Variants in SIPA1L1 observed in about 807,000 individuals in gnomAD.
SIPA1L1 encodes signal-induced proliferation-associated 1-like protein 1.
In SIPA1L1, 26 loss-of-function variants were observed where a neutral mutation model predicts 162.7. That is an observed-to-expected ratio of 0.16 (90% CI 0.12 to 0.22). The LOEUF is 0.22. Ranked by LOEUF, SIPA1L1 falls within the 10% of genes least tolerant of loss-of-function variation. The pLI is 1.00. For synonymous variants in SIPA1L1, 829 were observed against 837.4 expected (o/e 0.99, Z 0.17); for missense variants, 1,874 against 2,241.0 (o/e 0.84, Z 3.31).
At chr14:71,459,778 C>T (rs1391030266) in intron 2 of SIPA1L1, among the ~76,000 whole-genome samples, 2 of 152,136 alleles carry the variant, frequency 1.3e-5, no homozygotes, top group Admixed American at 1.3e-4. Context: ...TCTTTTTTGG[C>T]AGCACCCTTA....
intron 5 of SIPA1L1, among the ~76,000 whole-genome samples, chr14:71,609,381 A>C (rs570770848): frequency 5.3e-5 from 8 of 151,710 alleles, no homozygotes; most frequent in Admixed American, 4.6e-4. Context: ...TGCTCATCAC[A>C]CCTCATCCTC....
intron 2 of SIPA1L1, among the ~76,000 whole-genome samples, chr14:71,419,067 G>A (rs1242877770): frequency 8.5e-5 from 13 of 152,132 alleles, no homozygotes; most frequent in African/African-American, 2.4e-4. Flanking sequence ...GCCTCTCAGA[G>A]CAGGGGTGTT....
chr14:71,597,240 C>T (rs2036145887), intron 5 of SIPA1L1, among the ~76,000 whole-genome samples: 1 of 152,122 alleles, frequency 6.6e-6, no homozygotes, highest in African/African-American at 2.4e-5. Flanking sequence ...CCTCAGCCTC[C>T]CAAAGAGCTG....
rs1597070576 is a variant in SIPA1L1 at position 71,699,251 on chromosome 14, A to G, written c.3521+124A>G. On this transcript the variant is annotated intron_variant, in intron 14 of 23. Coordinates refer to ENST00000381232, the MANE Select transcript of SIPA1L1 (RefSeq NM_001386936.1). ...ATCAATTTGTAGACAAACAAAAGAG[A>G]AAACGTAGTTAATAATCCAGATAGA... The G allele has an allele frequency of 8.3e-5, 78 of 936,674 alleles. 2 individuals are homozygous for G. In the South Asian group the frequency reaches 1.3e-3, roughly 15 times the overall value. 58.0% of individuals were successfully genotyped at this position (936,674 alleles called of 1,614,324 possible).
intron 6 of SIPA1L1, among the ~76,000 whole-genome samples, chr14:71,623,614 T>TC (rs1404835376): frequency 6.6e-6 from 1 of 152,198 alleles, no homozygotes; most frequent in Non-Finnish European, 1.5e-5. Flanking sequence ...TAAAACTTTA[T>TC]CTCCCCCTTT....
chr14:71,606,389 T>C (rs553471377), intron 5 of SIPA1L1, among the ~76,000 whole-genome samples: 4 of 152,180 alleles, frequency 2.6e-5, no homozygotes, highest in Non-Finnish European at 5.9e-5. Flanking sequence ...AGTGGCTGCA[T>C]ATAGGGGATG....
rs964772798 is a variant in SIPA1L1 at position 71,740,858 on chromosome 14, C to T, written c.*1697C>T. ...ATCTCTTTGTAAATGAGAAATATTG[C>T]TAACATCCAAGCATTCTGAAGTCTT... On this transcript the variant is annotated 3_prime_UTR_variant, in exon 24 of 24. Coordinates refer to ENST00000381232, the MANE Select transcript of SIPA1L1 (RefSeq NM_001386936.1). The T allele has an allele frequency of 6.6e-6, 1 of 152,178 alleles. No individual in the cohort carries two copies. Among genetic ancestry groups the T allele is most frequent in the Non-Finnish European group, 1.5e-5 (1 of 68,036 alleles). 9.4% of individuals were successfully genotyped at this position (152,178 alleles called of 1,614,324 possible). A position where few individuals can be genotyped will look rare whatever the true frequency, so the allele number is the denominator to read the frequency against.
intron 15 of SIPA1L1, among the ~76,000 whole-genome samples, chr14:71,703,311 A>G (rs890889959): frequency 6.6e-6 from 1 of 152,352 alleles, no homozygotes; most frequent in East Asian, 1.9e-4. Context: ...GCTGAAAAAG[A>G]TAATCTTATA....
intron 19 of SIPA1L1, among the ~76,000 whole-genome samples, chr14:71,726,181 T>C (rs1435345772): frequency 1.3e-5 from 2 of 152,258 alleles, no homozygotes; most frequent in African/African-American, 2.4e-5. Flanking sequence ...TTTATGTTAA[T>C]AAATCATTGT....
At chr14:71,639,589 G>A (rs2041501526) in intron 7 of SIPA1L1, among the ~76,000 whole-genome samples, 1 of 152,140 alleles carries the variant, frequency 6.6e-6, no homozygotes, top group Non-Finnish European at 1.5e-5. Context: ...AAGTTTACAT[G>A]AAAAAACAAA....
intron 13 of SIPA1L1, 32 bp downstream of exon 13, chr14:71,685,663 C>A: frequency 6.2e-7 from 1 of 1,609,438 alleles, no homozygotes; most frequent in South Asian, 1.1e-5. Context: ...TGCTCTATCT[C>A]TCTCTGCCCC....
chr14:71,700,369 TA>T (rs1296715889), intron 14 of SIPA1L1, among the ~76,000 whole-genome samples: 1 of 152,120 alleles, frequency 6.6e-6, no homozygotes, highest in Non-Finnish European at 1.5e-5. Context: ...TCTTAAAAAA[TA>T]AAAAAGTAAA....
chr14:71,550,520 G>C (rs942918057), intron 4 of SIPA1L1, among the ~76,000 whole-genome samples: 3 of 152,130 alleles, frequency 2.0e-5, no homozygotes, highest in Non-Finnish European at 4.4e-5. Flanking sequence ...GAAGGGCAGT[G>C]AGTGTGTTGA....
At chr14:71,712,833 C>T (rs1168748683) in intron 17 of SIPA1L1, among the ~76,000 whole-genome samples, 3 of 152,316 alleles carry the variant, frequency 2.0e-5, no homozygotes, top group African/African-American at 2.4e-5. Context: ...TTGGTGTCCA[C>T]GGTTGTTAGC....
At chr14:71,362,323 A>G (rs370496259) in intron 2 of SIPA1L1, among the ~76,000 whole-genome samples, 1 of 152,094 alleles carries the variant, frequency 6.6e-6, no homozygotes, top group African/African-American at 2.4e-5. Context: ...TGGTGTAGAT[A>G]GAATAAACCA....
chr14:71,675,664 T>A (rs2045081792), intron 12 of SIPA1L1, among the ~76,000 whole-genome samples: 1 of 152,368 alleles, frequency 6.6e-6, no homozygotes, highest in Admixed American at 6.5e-5. Flanking sequence ...ATTACTCTGT[T>A]CTTTGAATAG....
intron 2 of SIPA1L1, among the ~76,000 whole-genome samples, chr14:71,324,013 C>G (rs1276229742): frequency 6.6e-6 from 1 of 152,158 alleles, no homozygotes; most frequent in African/African-American, 2.4e-5. Context: ...TTTCAAATAC[C>G]TGCCCTGCCA....
intron 5 of SIPA1L1, among the ~76,000 whole-genome samples, chr14:71,604,688 T>TC: frequency 6.6e-6 from 1 of 152,252 alleles, no homozygotes; most frequent in East Asian, 1.9e-4. Context: ...TTATTTTTTT[T>TC]CTTTTTTTTC....
intron 2 of SIPA1L1, among the ~76,000 whole-genome samples, chr14:71,469,663 G>T (rs1011774150): frequency 6.6e-6 from 1 of 152,194 alleles, no homozygotes; most frequent in South Asian, 2.1e-4. Flanking sequence ...CTTTACTACA[G>T]TGTGGGATTG....
Sources: gnomAD v4.1 joint callset for allele counts (sites outside exome capture counted in the v4.1 genomes callset) on GRCh38, gnomAD v4.1.1 for gene constraint, MANE v1.5 for transcripts, NCBI Gene and HGNC (gene_info 2026-07-23, HGNC 2026-07-21) for gene names.